The following GPR78 variants were observed in gnomAD, a reference collection of about 807,000 sequenced individuals.
The protein encoded by GPR78 is G protein-coupled receptor 78.
GPR78 carries 29 observed loss-of-function variants against 17.9 expected under a neutral mutation model. The ratio of observed to expected loss-of-function variants is 1.62; its 90% CI spans 1.20 to 2.21. The LOEUF (loss-of-function observed/expected upper bound fraction) is 2.21. Among genes scored for constraint, GPR78 ranks in the 30% most tolerant of loss-of-function variants. GPR78 has a pLI of 0.00. For missense variants in GPR78, 649 were observed against 530.5 expected (o/e 1.22, Z -2.19); for synonymous variants, 349 against 256.9 (o/e 1.36, Z -3.43).
In GPR78 at chr4:8,589,272, C is replaced by T. The variant is rs1054897316; in HGVS notation, c.*1909C>T. Among the ~76,000 whole-genome samples, 3 of 151,988 alleles carry T rather than the reference C, an allele frequency of 2.0e-5. No individual in the cohort carries two copies. Among genetic ancestry groups the T allele is most frequent in the Non-Finnish European group, 2.9e-5 (2 of 68,006 alleles). The stretch of plus-strand genomic sequence containing the variant: ...GTGTAATTCAAATAAAACAAATTAT[C>T]GTTTGGAATAATAACAACTATAGGT... On this transcript the variant is annotated 3_prime_UTR_variant, in exon 3 of 3. Transcript: ENST00000382487.
chr4:8,587,417 A>T lies in GPR78; in HGVS notation c.*54A>T. ...TTCTAAGAAGCCCTGTGGAAAGGGC[A>T]CTGGCCCTGCCACAGAGATGCCACT... On this transcript the variant is annotated 3_prime_UTR_variant, in exon 3 of 3. Transcript: ENST00000382487. 6.5e-7 allele frequency: 1 copy of T among 1,544,984 alleles called. No individual in the cohort carries two copies. Among genetic ancestry groups the T allele is most frequent in the Non-Finnish European group, 8.8e-7 (1 of 1,135,052 alleles).
rs967498931 is a variant in GPR78 at position 8,580,798 on chromosome 4, C to G, written c.-185C>G. ...TGCTCCGCAGAGCTACGCCCTCCCC[C>G]CGGGTGCCCCGGACCCTGCACTTGC... On this transcript the variant is annotated 5_prime_UTR_variant, in exon 1 of 3. Coordinates refer to ENST00000382487, the MANE Select transcript of GPR78 (RefSeq NM_080819.5). 6.9e-5 allele frequency: 43 copies of G among 625,616 alleles called. No homozygotes were observed. Among genetic ancestry groups the G allele is most frequent in the African/African-American group, 3.8e-4 (20 of 52,284 alleles). 38.8% of individuals were successfully genotyped at this position (625,616 alleles called of 1,614,324 possible).
intron 2 of GPR78, among the ~76,000 whole-genome samples, chr4:8,586,210 A>T (rs900791742): frequency 1.3e-4 from 20 of 152,194 alleles, no homozygotes; most frequent in African/African-American, 4.3e-4. Context: ...CTGAGAGCGG[A>T]GGGGTCCGTC....
At position 8,581,124 on chromosome 4, in the gene GPR78, C is replaced by A; in HGVS notation, c.142C>A (p.Leu48Met). The A allele has an allele frequency of 6.2e-7, 1 of 1,606,190 alleles. No individual in the cohort carries two copies. Reference protein sequence around the residue: ...TRASGVLLVNLSLGHLLLAAL... With the variant: ...TRASGVLLVNMSLGHLLLAAL... ...AGCCTCAGGCGTCCTCCTGGTGAAT[C>A]TGTCTCTGGGCCACCTGCTGCTGGC... The change falls in exon 1 of 3, where the codon CTG becomes ATG. Residue 48 changes from leucine (L) to methionine (M), a missense_variant. By Grantham distance (15) the Leu-to-Met change is conservative. Transcript: ENST00000382487.
chr4:8,580,937 A>T lies in GPR78; in HGVS notation c.-46A>T, dbSNP rs1181756002. The T allele has an allele frequency of 6.1e-6, 9 of 1,464,656 alleles. No homozygotes were observed. Among genetic ancestry groups the T allele is most frequent in the Non-Finnish European group, 8.1e-6 (9 of 1,107,860 alleles). 90.7% of individuals were successfully genotyped at this position (1,464,656 alleles called of 1,614,324 possible). A position where few individuals can be genotyped will look rare whatever the true frequency, so the allele number is the denominator to read the frequency against. ...CTCACTTTCCCAGGCTCGCGCCCGA[A>T]GCAGAGCCATGAGAACCCCAGGGTG... On this transcript the variant is annotated 5_prime_UTR_variant, in exon 1 of 3. In the 5' UTR this introduces an upstream ATG that the reference lacks. Transcript: ENST00000382487.
At chr4:8,586,974 T>A (rs1713533872) in intron 2 of GPR78, 80 bp from the exon 3 acceptor site, 1 of 1,289,134 alleles carries the variant, frequency 7.8e-7, no homozygotes, top group Non-Finnish European at 1.1e-6. Context: ...TGAGTATGGT[T>A]CTAGCACCTT....
At position 8,581,230 on chromosome 4, in the gene GPR78, G is replaced by GCTTCCTGGACAC. The variant is rs750801978; in HGVS notation, c.257_268dup (p.Asp86_Leu89dup). 1 of 1,596,916 alleles carries GCTTCCTGGACAC rather than the reference G, an allele frequency of 6.3e-7. No homozygotes were observed. Among genetic ancestry groups the GCTTCCTGGACAC allele is most frequent in the Non-Finnish European group, 8.5e-7 (1 of 1,176,574 alleles). On this transcript the variant is annotated inframe_insertion, in exon 1 of 3. Transcript: ENST00000382487. The stretch of plus-strand genomic sequence containing the variant: ...GCGCCCGGCGCATGCCAAGTCATTG[G>GCTTCCTGGACAC]CTTCCTGGACACCTTCCTGGCGTCC...
chr4:8,581,141 G>A lies in GPR78; in HGVS notation c.159G>A (p.Leu53=), dbSNP rs780305823. 1.2e-4 allele frequency: 192 copies of A among 1,604,566 alleles called. No individual in the cohort carries two copies. Among genetic ancestry groups the A allele is most frequent in the Non-Finnish European group, 1.6e-4 (187 of 1,179,772 alleles). ...VLLVNLSLGH[L]LLAALDMPFT... ...TGGTGAATCTGTCTCTGGGCCACCTGCTGCTGGCGGCGCTGGACATGCCCT... is the reference window on the plus strand; with the variant it reads ...TGGTGAATCTGTCTCTGGGCCACCTACTGCTGGCGGCGCTGGACATGCCCT... Residue 53 remains leucine (L), a synonymous_variant, in exon 1 of 3, where the codon CTG becomes CTA. Coordinates refer to ENST00000382487, the MANE Select transcript of GPR78 (RefSeq NM_080819.5).
chr4:8,589,707 G>A lies in GPR78; in HGVS notation c.*2344G>A, dbSNP rs1475189433. On this transcript the variant is annotated 3_prime_UTR_variant, in exon 3 of 3. Coordinates refer to ENST00000382487, the MANE Select transcript of GPR78 (RefSeq NM_080819.5). ...TTTAGAGCCACTCAAGGAAACGCGT[G>A]CACCCTGCCCTGCTGGAAGGCACCA... is the stretch of plus-strand genomic sequence containing the variant. 6.6e-6 allele frequency among the ~76,000 whole-genome samples: 1 copy of A among 152,190 alleles called. No homozygotes were observed. The highest frequency in any genetic ancestry group is 1.5e-5 in the Non-Finnish European group (1 of 68,050).
intron 2 of GPR78, among the ~76,000 whole-genome samples, chr4:8,585,423 T>G (rs1273385364): frequency 6.6e-6 from 1 of 152,164 alleles, no homozygotes; most frequent in African/African-American, 2.4e-5. Flanking sequence ...AGTCCCCTAG[T>G]GGCTGAAAGA....
rs562963145 is a variant in GPR78, at chr4:8,580,836, C to T, written c.-147C>T. The T allele has an allele frequency of 8.9e-6, 7 of 786,706 alleles. No individual in the cohort carries two copies. Among genetic ancestry groups the T allele is most frequent in the African/African-American group, 1.8e-5 (1 of 56,032 alleles). The allele number at this position is 786,706 out of a possible 1,614,324, so 48.7% of individuals were successfully genotyped here. A position where few individuals can be genotyped will look rare whatever the true frequency, so the allele number is the denominator to read the frequency against. On this transcript the variant is annotated 5_prime_UTR_variant, in exon 1 of 3. Coordinates refer to ENST00000382487, the MANE Select transcript of GPR78 (RefSeq NM_080819.5). ...ACCCTGCACTTGCCGCCGCTTTCCT[C>T]GCGCTGCTCTGGACCTTGCTAGCCG...
In GPR78 at chr4:8,580,569, A is replaced by C; in HGVS notation, c.-414A>C. On this transcript the variant is annotated 5_prime_UTR_variant, in exon 1 of 3. Coordinates refer to ENST00000382487, the MANE Select transcript of GPR78 (RefSeq NM_080819.5). ...AGGGACTGACCTGGCCCGGAACAGA[A>C]GCGCGCAGAGTCCCATCCTGCCACG... 5.2e-6 allele frequency: 1 copy of C among 193,408 alleles called. No individual in the cohort carries two copies. The allele number at this position is 193,408 out of a possible 1,614,324, so 12.0% of individuals were successfully genotyped here. A position where few individuals can be genotyped will look rare whatever the true frequency, so the allele number is the denominator to read the frequency against.
intron 1 of GPR78, 44 bp from the exon 2 acceptor site, chr4:8,582,487 C>T (rs762621976): frequency 6.6e-6 from 9 of 1,368,236 alleles, no homozygotes; most frequent in South Asian, 4.7e-5. Flanking sequence ...TGGGTTCTGT[C>T]CCCACCCTGC....
At chr4:8,584,126 T>C (rs1346020685) in intron 2 of GPR78, among the ~76,000 whole-genome samples, 2 of 152,232 alleles carry the variant, frequency 1.3e-5, no homozygotes, top group African/African-American at 2.4e-5. Flanking sequence ...CACATGCATG[T>C]ACATATGTGT....
In GPR78 at chr4:8,587,687, A is replaced by G; in HGVS notation, c.*324A>G. On this transcript the variant is annotated 3_prime_UTR_variant, in exon 3 of 3. Coordinates refer to ENST00000382487, the MANE Select transcript of GPR78 (RefSeq NM_080819.5). ...TGGGTAGGGAAGTGCCCTGTGTGGC[A>G]TATGGTACTCGTGGGCGTGCTATAA... is the stretch of plus-strand genomic sequence containing the variant. 4.5e-6 allele frequency: 2 copies of G among 441,884 alleles called. No individual in the cohort carries two copies. Among genetic ancestry groups the G allele is most frequent in the South Asian group, 2.7e-5 (1 of 36,450 alleles). 27.4% of individuals were successfully genotyped at this position (441,884 alleles called of 1,614,324 possible).
intron 2 of GPR78, among the ~76,000 whole-genome samples, chr4:8,583,406 C>A (rs185480896): frequency 1.3e-5 from 2 of 152,306 alleles, no homozygotes; most frequent in Non-Finnish European, 1.5e-5. Context: ...TCTGGCCAGG[C>A]CCCTGAAGCG....
In GPR78 at chr4:8,587,609, G is replaced by A. The variant is rs1713568646; in HGVS notation, c.*246G>A. 1.7e-6 allele frequency: 1 copy of A among 580,644 alleles called. No individual in the cohort carries two copies. The highest frequency in any genetic ancestry group is 3.1e-6 in the Non-Finnish European group (1 of 325,334). The allele number at this position is 580,644 out of a possible 1,614,324, so 36.0% of individuals were successfully genotyped here. A position where few individuals can be genotyped will look rare whatever the true frequency, so the allele number is the denominator to read the frequency against. ...CCCGGGACAGTGGCTTTTCCTCTCTGAACCTTAGCTTCCTCACCCTTGTTC... is the reference window on the plus strand; with the variant it reads ...CCCGGGACAGTGGCTTTTCCTCTCTAAACCTTAGCTTCCTCACCCTTGTTC... On this transcript the variant is annotated 3_prime_UTR_variant, in exon 3 of 3. Transcript: ENST00000382487.
intron 2 of GPR78, chr4:8,583,035 G>A (rs540077893): frequency 2.8e-5 from 5 of 181,448 alleles, no homozygotes; most frequent in Non-Finnish European, 5.8e-5. Context: ...GAGCCTCGGG[G>A]CAGTAACACT....
rs1454731932 is a variant in GPR78 at position 8,589,090 on chromosome 4, T to C, written c.*1727T>C. ...CTCACTTTGTTGCCCAGGCTGGTCT[T>C]GAATTCCTGAGCTTAAGTGATCCTC... On this transcript the variant is annotated 3_prime_UTR_variant, in exon 3 of 3. Transcript: ENST00000382487. Among the ~76,000 whole-genome samples, 1 of 151,716 alleles carries C rather than the reference T, an allele frequency of 6.6e-6. No homozygotes were observed. The highest frequency in any genetic ancestry group is 6.6e-5 in the Admixed American group (1 of 15,246).
Sources: allele counts gnomAD v4.1 joint callset (sites outside exome capture counted in the v4.1 genomes callset), GRCh38; gene constraint gnomAD v4.1.1; transcripts MANE v1.5; gene names NCBI Gene and HGNC (gene_info 2026-07-23, HGNC 2026-07-21).